ARHGAP40: variants seen among roughly 807,000 people sequenced by gnomAD.
The protein encoded by ARHGAP40 is Rho GTPase activating protein 40.
In ARHGAP40, 43 loss-of-function variants were observed where a neutral mutation model predicts 73.5. The ratio of observed to expected loss-of-function variants is 0.58; its 90% CI spans 0.46 to 0.75. ARHGAP40 has a LOEUF of 0.75. Ranked by LOEUF, ARHGAP40 falls within the 30% of genes least tolerant of loss-of-function variation. ARHGAP40 has a pLI of 0.00. For synonymous variants in ARHGAP40, 300 were observed against 352.8 expected, an observed-to-expected ratio of 0.85 and a Z score of 1.68; for missense variants, 734 against 861.8, an observed-to-expected ratio of 0.85 and a Z score of 1.86.
Position 38,639,535 on chromosome 20 carries a change from G to A in ARHGAP40, c.1279+149G>A, listed in dbSNP as rs918967729. On this transcript the variant is annotated intron_variant, in intron 9 of 14. Transcript: ENST00000373345. Reference sequence around the variant, plus strand: ...CCAACTGATGGGGGAAGAAGCAAGTGTGAACATGTGAGCCCAATGTGTGCA... The same window carrying A: ...CCAACTGATGGGGGAAGAAGCAAGTATGAACATGTGAGCCCAATGTGTGCA... 1.2e-5 allele frequency: 11 copies of A among 952,460 alleles called. No homozygotes were observed. The African/African-American group carries it at 1.2e-4, about 10-fold the overall frequency. The allele number at this position is 952,460 out of a possible 1,614,324, so 59.0% of individuals were successfully genotyped here.
At chr20:38,601,965 C>T in exon 1 of ARHGAP40, 1 of 1,288,076 alleles carries the variant, frequency 7.8e-7, no homozygotes, top group South Asian at 1.2e-5. Context: ...GCCCTCCTCC[C>T]CGCCGCCCAG....
chr20:38,620,998 G>A (rs2088870648), intron 1 of ARHGAP40, among the ~76,000 whole-genome samples: 1 of 152,202 alleles, frequency 6.6e-6, no homozygotes, highest in Non-Finnish European at 1.5e-5. Context: ...GCAGTTCTCT[G>A]AACGAAGTGT....
At chr20:38,605,955 G>A (rs56292791) in intron 1 of ARHGAP40, among the ~76,000 whole-genome samples, 1,550 of 152,166 alleles carry the variant, frequency 0.01, 22 homozygotes, top group African/African-American at 0.035. Context: ...TGCAGTGGTG[G>A]AATCACTGCA....
At position 38,616,064 on chromosome 20, in the gene ARHGAP40, G is replaced by A. The variant is rs764959575; in HGVS notation, c.138-7295G>A. Among the ~76,000 whole-genome samples, 17 of 152,110 alleles carry A rather than the reference G, an allele frequency of 1.1e-4. No homozygotes were observed. In the East Asian group the frequency reaches 2.7e-3, roughly 24 times the overall value. ...CGGCTCTTCTCATGGTGTTGATAGC[G>A]GTGTGAGAGGGCCACCCCACCACCC... On this transcript the variant is annotated intron_variant, in intron 1 of 14. Transcript: ENST00000373345.
At chr20:38,634,710 A>G in exon 6 of ARHGAP40, 1 of 1,305,328 alleles carries the variant, frequency 7.7e-7, no homozygotes, top group African/African-American at 1.5e-5. Flanking sequence ...TCTGGCCCTC[A>G]TAGAGCTGAC....
chr20:38,634,227 C>T lies in ARHGAP40; in HGVS notation c.784-393C>T, dbSNP rs554463004. ...ATTAGCCAGGTGTCGAGGTGCACAC[C>T]TGTAGTCCCAGCTACTCAGGAGGCT... On this transcript the variant is annotated intron_variant, in intron 5 of 14. Transcript: ENST00000373345. 1.4e-3 allele frequency among the ~76,000 whole-genome samples: 211 copies of T among 152,218 alleles called. 1 individual carries two copies. Among genetic ancestry groups the T allele is most frequent in the Non-Finnish European group, 2.2e-3 (148 of 68,006 alleles).
intron 1 of ARHGAP40, among the ~76,000 whole-genome samples, chr20:38,617,840 C>G (rs554416704): frequency 1.3e-5 from 2 of 152,312 alleles, no homozygotes; most frequent in African/African-American, 4.8e-5. Flanking sequence ...CTAACATTGA[C>G]TGAGGACTTC....
Position 38,623,347 on chromosome 20 carries a change from C to T in ARHGAP40, c.138-12C>T, listed in dbSNP as rs1227625334. On this transcript the variant is annotated splice_polypyrimidine_tract_variant and intron_variant, in intron 1 of 14. Coordinates refer to ENST00000373345, the Ensembl canonical transcript of ARHGAP40. The stretch of plus-strand genomic sequence containing the variant: ...CTTGCTGACCTCCCTGCACCTTCCC[C>T]ACTTGCTACAGCTCTGGCCCCTCCT... 1 of 1,281,978 alleles carries T rather than the reference C, an allele frequency of 7.8e-7. No individual in the cohort carries two copies. The highest frequency in any genetic ancestry group is 1.5e-5 in the African/African-American group (1 of 65,754). 79.4% of individuals were successfully genotyped at this position (1,281,978 alleles called of 1,614,324 possible).
At chr20:38,615,396 G>T (rs1367490485) in intron 1 of ARHGAP40, 2 of 733,462 alleles carry the variant, frequency 2.7e-6, no homozygotes, top group Non-Finnish European at 5.1e-6. Flanking sequence ...CCCCAATGAG[G>T]TAGCTCTTGT....
intron 5 of ARHGAP40, among the ~76,000 whole-genome samples, chr20:38,633,332 A>G (rs2088953222): frequency 6.6e-6 from 1 of 152,216 alleles, no homozygotes; most frequent in Non-Finnish European, 1.5e-5. Context: ...TTTACCACAC[A>G]CTAAGCATTA....
exon 1 of ARHGAP40, chr20:38,601,910 C>T (rs147139005): frequency 1.6e-6 from 2 of 1,287,342 alleles, no homozygotes; most frequent in Non-Finnish European, 2.0e-6. Context: ...GCGGCAGCAC[C>T]ACGACCGACC....
rs1284953981 is a variant in ARHGAP40 at position 38,615,096 on chromosome 20, A to G, written c.138-8263A>G. The G allele has an allele frequency of 1.5e-5, 14 of 921,178 alleles. No homozygotes were observed. In the East Asian group the frequency reaches 3.3e-4, roughly 22 times the overall value. The allele number at this position is 921,178 out of a possible 1,614,324, so 57.1% of individuals were successfully genotyped here. A position where few individuals can be genotyped will look rare whatever the true frequency, so the allele number is the denominator to read the frequency against. On this transcript the variant is annotated intron_variant, in intron 1 of 14. Coordinates refer to ENST00000373345, the Ensembl canonical transcript of ARHGAP40. ...GTCAGCAGACACTCGGAGTTTGGCT[A>G]TACGAGTGTCCCATATATCCTTGAC...
chr20:38,603,668 G>A (rs933443868), intron 1 of ARHGAP40, among the ~76,000 whole-genome samples: 4 of 152,050 alleles, frequency 2.6e-5, no homozygotes, highest in African/African-American at 9.7e-5. Context: ...AGCTTAAAAC[G>A]ACACAAATGT....
chr20:38,627,386 T>TG (rs1357019442), intron 3 of ARHGAP40, among the ~76,000 whole-genome samples, 171 bp downstream of exon 3: 1 of 122,648 alleles, frequency 8.2e-6, no homozygotes, highest in Non-Finnish European at 1.8e-5. Flanking sequence ...GTGTGTGTGT[T>TG]GGGGTGTGTG....
At chr20:38,617,351 T>A (rs1290401008) in intron 1 of ARHGAP40, among the ~76,000 whole-genome samples, 2 of 152,214 alleles carry the variant, frequency 1.3e-5, no homozygotes, top group African/African-American at 2.4e-5. Flanking sequence ...GGGAAAGGCC[T>A]TTGCTCCACT....
intron 1 of ARHGAP40, among the ~76,000 whole-genome samples, chr20:38,615,744 T>G (rs1185171116): frequency 6.6e-6 from 1 of 152,150 alleles, no homozygotes; most frequent in African/African-American, 2.4e-5. Flanking sequence ...GAGAGTGGGC[T>G]CACCGCACCT....
In ARHGAP40 at chr20:38,624,869, C is replaced by T. The variant is rs541060585; in HGVS notation, c.337+1311C>T. 3.9e-5 allele frequency among the ~76,000 whole-genome samples: 6 copies of T among 152,386 alleles called. No individual in the cohort carries two copies. In the South Asian group the frequency reaches 1.0e-3, roughly 26 times the overall value. ...GCCTGACTTTACCTAGTGCACTTCA[C>T]TGTGCATGTGTCTGTGACCCCCACT... On this transcript the variant is annotated intron_variant, in intron 2 of 14. Transcript: ENST00000373345.
intron 5 of ARHGAP40, among the ~76,000 whole-genome samples, chr20:38,630,882 A>C (rs1470657855): frequency 6.6e-6 from 1 of 152,188 alleles, no homozygotes; most frequent in African/African-American, 2.4e-5. Flanking sequence ...TACTAAAGGA[A>C]GTGTTTCTTC....
chr20:38,649,151 G>A (rs1021275499), intron 14 of ARHGAP40, among the ~76,000 whole-genome samples: 15 of 152,202 alleles, frequency 9.9e-5, no homozygotes, highest in African/African-American at 3.6e-4. Flanking sequence ...ATTCTCTAGA[G>A]TAATGATCCT....
Sources: allele counts gnomAD v4.1 joint callset (sites outside exome capture counted in the v4.1 genomes callset), GRCh38; gene constraint gnomAD v4.1.1; transcripts MANE v1.5; gene names NCBI Gene and HGNC (gene_info 2026-07-23, HGNC 2026-07-21).